SDK1: variants seen among roughly 807,000 people sequenced by gnomAD.
The protein encoded by SDK1 is protein sidekick-1.
In SDK1, 157 loss-of-function variants were observed where a neutral mutation model predicts 245.5. The observed-to-expected ratio is 0.64, with a 90% CI of 0.56 to 0.73. The LOEUF is 0.73. Ranked by LOEUF, SDK1 falls within the 30% of genes least tolerant of loss-of-function variation. The pLI is 0.00. For missense variants in SDK1, 3,583 were observed against 3,002.3 expected (o/e 1.19, Z -4.52); for synonymous variants, 1,647 against 1,278.5 (o/e 1.29, Z -6.15).
At chr7:3,706,624 G>T (rs565157358) in intron 4 of SDK1, among the ~76,000 whole-genome samples, 1 of 152,090 alleles carries the variant, frequency 6.6e-6, no homozygotes, top group Non-Finnish European at 1.5e-5. Flanking sequence ...GGATGGTTGC[G>T]ATCTCCTGAC....
chr7:3,433,724 A>G (rs1256538621), intron 1 of SDK1, among the ~76,000 whole-genome samples: 1 of 152,180 alleles, frequency 6.6e-6, no homozygotes, highest in Admixed American at 6.5e-5. Flanking sequence ...ATTCAGAAAA[A>G]TTTTAAGAGC....
At chr7:3,508,200 G>C (rs1274018884) in intron 1 of SDK1, among the ~76,000 whole-genome samples, 2 of 149,868 alleles carry the variant, frequency 1.3e-5, no homozygotes, top group African/African-American at 2.5e-5. Flanking sequence ...TTTTTTTTCT[G>C]GTTTCAGATT....
At chr7:3,998,286 TGCAACA>T (rs1324345067) in intron 14 of SDK1, among the ~76,000 whole-genome samples, 1 of 152,220 alleles carries the variant, frequency 6.6e-6, no homozygotes, top group African/African-American at 2.4e-5. Context: ...AGCACCTCCC[TGCAACA>T]GCTGGCATGA....
chr7:3,767,175 G>C (rs559394760), intron 4 of SDK1, among the ~76,000 whole-genome samples: 1 of 152,266 alleles, frequency 6.6e-6, no homozygotes, highest in Non-Finnish European at 1.5e-5. Flanking sequence ...CACACTGGAG[G>C]GCTGACTCCT....
chr7:3,516,686 T>G (rs939835946), intron 1 of SDK1, among the ~76,000 whole-genome samples: 1 of 152,186 alleles, frequency 6.6e-6, no homozygotes, highest in African/African-American at 2.4e-5. Context: ...AATTATGTGT[T>G]TGTATAAATG....
intron 13 of SDK1, among the ~76,000 whole-genome samples, chr7:3,978,454 G>A (rs913027260): frequency 9.2e-5 from 14 of 152,136 alleles, no homozygotes; most frequent in Non-Finnish European, 1.8e-4. Context: ...AGAAATCTCT[G>A]CAAATTTGTG....
At chr7:3,618,248 C>G (rs1443081543) in intron 1 of SDK1, among the ~76,000 whole-genome samples, 11 of 152,106 alleles carry the variant, frequency 7.2e-5, no homozygotes, top group Admixed American at 7.2e-4. Context: ...GTAACCACAT[C>G]AGGAAATAAA....
chr7:4,202,081 T>G (rs1783918417), intron 35 of SDK1, among the ~76,000 whole-genome samples: 2 of 152,214 alleles, frequency 1.3e-5, no homozygotes, highest in Admixed American at 1.3e-4. Context: ...ACCAGCCAGA[T>G]GTTCTACTTT....
chr7:4,202,623 T>C (rs188026318), intron 35 of SDK1, among the ~76,000 whole-genome samples: 291 of 152,362 alleles, frequency 1.9e-3, no homozygotes, highest in Non-Finnish European at 3.1e-3. Flanking sequence ...GGACGGTGAA[T>C]GTTTTGAATG....
chr7:3,871,865 C>A (rs1026998308), intron 5 of SDK1, among the ~76,000 whole-genome samples: 2 of 152,176 alleles, frequency 1.3e-5, no homozygotes, highest in Non-Finnish European at 1.5e-5. Context: ...TTAGAAAAAA[C>A]CACCTCTCCT....
Position 4,127,272 on chromosome 7 carries a change from G to GA in SDK1, c.3824-107dup, listed in dbSNP as rs1306395951. Reference sequence around the variant, plus strand: ...TAATCTGATCACTACAAAATGCTTAGAATACGTTGCTATTTCAAGGACAAC... The same window carrying GA: ...TAATCTGATCACTACAAAATGCTTAGAAATACGTTGCTATTTCAAGGACAAC... On this transcript the variant is annotated intron_variant, in intron 25 of 44. Coordinates refer to ENST00000404826, the MANE Select transcript of SDK1 (RefSeq NM_152744.4). The GA allele has an allele frequency of 3.4e-5, 27 of 800,214 alleles. No individual in the cohort carries two copies. In the Admixed American group the frequency reaches 3.7e-4, roughly 11 times the overall value. The allele number at this position is 800,214 out of a possible 1,614,324, so 49.6% of individuals were successfully genotyped here.
intron 1 of SDK1, among the ~76,000 whole-genome samples, chr7:3,472,604 T>A (rs1221229435): frequency 1.3e-5 from 2 of 152,242 alleles, no homozygotes; most frequent in Non-Finnish European, 2.9e-5. Context: ...TACTTCCCTA[T>A]GTCAAGGCCT....
intron 1 of SDK1, among the ~76,000 whole-genome samples, chr7:3,580,173 G>A (rs956581572): frequency 2.0e-5 from 3 of 152,152 alleles, no homozygotes; most frequent in Non-Finnish European, 4.4e-5. Context: ...ATATTTCATA[G>A]TCATGGTTAG....
At chr7:3,856,703 G>A (rs1562493799) in intron 5 of SDK1, among the ~76,000 whole-genome samples, 3 of 152,016 alleles carry the variant, frequency 2.0e-5, no homozygotes, top group African/African-American at 4.8e-5. Context: ...AGGCAGGAGT[G>A]TCGCTTGAAC....
intron 4 of SDK1, among the ~76,000 whole-genome samples, chr7:3,820,097 C>T (rs1004206470): frequency 1.3e-5 from 2 of 152,154 alleles, no homozygotes; most frequent in African/African-American, 4.8e-5. Flanking sequence ...CAGAATGCAT[C>T]TTACCTTCTA....
At chr7:3,629,474 G>T (rs1407294647) in intron 2 of SDK1, among the ~76,000 whole-genome samples, 1 of 152,142 alleles carries the variant, frequency 6.6e-6, no homozygotes, top group Non-Finnish European at 1.5e-5. Context: ...AGAGGCAATA[G>T]TTCCCTGTGC....
intron 22 of SDK1, among the ~76,000 whole-genome samples, chr7:4,085,056 C>T (rs1296975692): frequency 1.3e-4 from 20 of 152,052 alleles, no homozygotes; most frequent in Admixed American, 1.0e-3. Context: ...GAGCCCACTG[C>T]GCCCAGCCTA....
chr7:3,396,725 T>A (rs1186008178), intron 1 of SDK1, among the ~76,000 whole-genome samples: 1 of 151,746 alleles, frequency 6.6e-6, no homozygotes, highest in Non-Finnish European at 1.5e-5. Flanking sequence ...TGTTTTCAAC[T>A]GATCTGTATC....
Position 3,704,363 on chromosome 7 carries a change from AT to A in SDK1, c.713+62272del, listed in dbSNP as rs34389322. 7.6e-3 allele frequency among the ~76,000 whole-genome samples: 1,093 copies of A among 143,194 alleles called. 6 individuals are homozygous for A. The highest frequency in any genetic ancestry group is 0.02 in the African/African-American group (804 of 39,474). 93.9% of individuals were successfully genotyped at this position (143,194 alleles called of 152,430 possible). On this transcript the variant is annotated intron_variant, in intron 4 of 44. Transcript: ENST00000404826. ...AGGATGAGGATCCATGCCAATATCG[AT>A]TTTTTTTTTTTTTACTTTTTAATAA...
Sources: allele counts gnomAD v4.1 joint callset (sites outside exome capture counted in the v4.1 genomes callset), GRCh38; gene constraint gnomAD v4.1.1; transcripts MANE v1.5; gene names NCBI Gene and HGNC (gene_info 2026-07-23, HGNC 2026-07-21).